CCDC171: variants seen among roughly 807,000 people sequenced by gnomAD.
The protein encoded by CCDC171 is coiled-coil domain containing 171.
CCDC171 carries 177 observed loss-of-function variants against 168.2 expected under a neutral mutation model. The ratio of observed to expected loss-of-function variants is 1.05; its 90% CI spans 0.93 to 1.19. The LOEUF is 1.19. CCDC171 is among the 50% of genes most tolerant of loss of function. The pLI is 0.00. For missense variants in CCDC171, 1,991 were observed against 1,539.0 expected (o/e 1.29, Z -4.91); for synonymous variants, 687 against 540.8 (o/e 1.27, Z -3.75).
At chr9:15,744,073 C>G (rs957207565) in intron 16 of CCDC171, among the ~76,000 whole-genome samples, 200 bp from the exon 17 acceptor site, 2 of 152,150 alleles carry the variant, frequency 1.3e-5, no homozygotes, top group Non-Finnish European at 2.9e-5. Flanking sequence ...ATTTAAAAAT[C>G]AATGTGCACA....
chr9:15,911,333 A>G (rs1351377558), intron 24 of CCDC171, among the ~76,000 whole-genome samples: 5 of 152,166 alleles, frequency 3.3e-5, no homozygotes, highest in Admixed American at 6.5e-5. Flanking sequence ...TGTTGGCCAT[A>G]TAAATGTCTT....
chr9:15,918,427 A>AG (rs1187787865), intron 24 of CCDC171, among the ~76,000 whole-genome samples: 2 of 127,226 alleles, frequency 1.6e-5, no homozygotes, highest in Admixed American at 1.8e-4. Context: ...AGTAAGACTC[A>AG]GAAAAAAAAA....
At chr9:15,677,500 G>T (rs2049669424) in intron 9 of CCDC171, among the ~76,000 whole-genome samples, 1 of 151,904 alleles carries the variant, frequency 6.6e-6, no homozygotes, top group Non-Finnish European at 1.5e-5. Context: ...GAGCCACCCT[G>T]TCTCCTGCAA....
At chr9:15,603,693 A>C (rs1191044313) in intron 6 of CCDC171, among the ~76,000 whole-genome samples, 3 of 151,426 alleles carry the variant, frequency 2.0e-5, no homozygotes, top group Non-Finnish European at 4.4e-5. Context: ...TGCTATTGTG[A>C]ATAGTGCTGC....
intron 3 of CCDC171, among the ~76,000 whole-genome samples, chr9:16,015,548 C>G (rs542217038): frequency 1.5e-4 from 23 of 152,298 alleles, no homozygotes; most frequent in African/African-American, 5.5e-4. Flanking sequence ...AATTTCCCAC[C>G]TCTGTACTCT....
At chr9:15,811,779 G>A (rs1167336357) in intron 21 of CCDC171, among the ~76,000 whole-genome samples, 1 of 152,162 alleles carries the variant, frequency 6.6e-6, no homozygotes, top group Non-Finnish European at 1.5e-5. Context: ...CGATGATGGA[G>A]TCTACCTATA....
At chr9:15,977,172 A>G (rs1182410715), downstream of CCDC171, among the ~76,000 whole-genome samples, 1 of 152,190 alleles carries the variant, frequency 6.6e-6, no homozygotes, top group African/African-American at 2.4e-5. Flanking sequence ...TGACATATCC[A>G]GATATCAGAT....
At chr9:16,099,435 G>A in the CCDC171 span, among the ~76,000 whole-genome samples, 4 of 152,350 alleles carry the variant, frequency 2.6e-5, no homozygotes, top group East Asian at 7.7e-4. Context: ...GCAAAGATGT[G>A]GCAGGTGAAG....
chr9:15,741,087 A>G (rs569097769), intron 16 of CCDC171, among the ~76,000 whole-genome samples: 2 of 152,032 alleles, frequency 1.3e-5, no homozygotes, highest in Non-Finnish European at 2.9e-5. Flanking sequence ...TTTTTTGTTT[A>G]TCTGTATATA....
At chr9:15,643,419 C>A (rs559578103) in intron 7 of CCDC171, among the ~76,000 whole-genome samples, 169 of 152,228 alleles carry the variant, frequency 1.1e-3, no homozygotes, top group African/African-American at 4.0e-3. Flanking sequence ...ATGCTTTATA[C>A]CTACAACCTC....
In CCDC171 at chr9:15,695,319, T is replaced by C. The variant is rs1452827583; in HGVS notation, c.1300T>C (p.Ser434Pro). The change falls in exon 11 of 26, where the codon TCG (serine) becomes CCG (proline). Residue 434 changes from serine (S) to proline (P), a missense_variant. Physicochemically the swap from Ser to Pro is moderately conservative, Grantham distance 74 (BLOSUM62 -1). Coordinates refer to ENST00000380701, the MANE Select transcript of CCDC171 (RefSeq NM_173550.4). The stretch of plus-strand genomic sequence containing the variant: ...ATCGATCTTGGACAGCTTTACTGTG[T>C]CGGGCCAGTGGACATCAGGTTAGTT... ...LESILDSFTV[S>P]GQWTSGIHKD... 1 of 1,613,746 alleles carries C rather than the reference T, an allele frequency of 6.2e-7. No homozygotes were observed. Among genetic ancestry groups the C allele is most frequent in the South Asian group, 1.1e-5 (1 of 91,062 alleles).
chr9:15,631,938 G>C (rs2045745651), intron 7 of CCDC171, among the ~76,000 whole-genome samples: 1 of 152,148 alleles, frequency 6.6e-6, no homozygotes, highest in African/African-American at 2.4e-5. Flanking sequence ...TATCTCAATA[G>C]ATGCAGAAAA....
At chr9:15,667,704 G>C (rs1553728) in intron 9 of CCDC171, among the ~76,000 whole-genome samples, 50 of 152,074 alleles carry the variant, frequency 3.3e-4, no homozygotes, top group African/African-American at 1.2e-3. Flanking sequence ...GTGAAAGTGT[G>C]ATTTAAATAG....
chr9:15,652,876 C>T (rs1457984299), intron 7 of CCDC171, among the ~76,000 whole-genome samples: 1 of 152,150 alleles, frequency 6.6e-6, no homozygotes, highest in Non-Finnish European at 1.5e-5. Context: ...TTTTGTGTTT[C>T]TCACATGCTT....
At chr9:15,947,303 A>T (rs1828521900) in intron 25 of CCDC171, among the ~76,000 whole-genome samples, 1 of 152,020 alleles carries the variant, frequency 6.6e-6, no homozygotes, top group South Asian at 2.1e-4. Context: ...TGACATCACT[A>T]AATACACTTT....
intron 18 of CCDC171, among the ~76,000 whole-genome samples, chr9:15,754,165 G>A (rs991367341): frequency 6.6e-6 from 1 of 152,170 alleles, no homozygotes; most frequent in African/African-American, 2.4e-5. Context: ...AGCTTATATA[G>A]TCATGTGGAG....
intron 16 of CCDC171, among the ~76,000 whole-genome samples, chr9:15,734,245 T>C (rs1304546253): frequency 9.9e-5 from 15 of 152,198 alleles, no homozygotes; most frequent in Non-Finnish European, 2.2e-4. Flanking sequence ...ATTACTATTA[T>C]AAATTGGAGG....
At chr9:15,672,112 GT>G (rs1461849654) in intron 9 of CCDC171, among the ~76,000 whole-genome samples, 1 of 152,090 alleles carries the variant, frequency 6.6e-6, no homozygotes, top group African/African-American at 2.4e-5. Flanking sequence ...GATCATGAGC[GT>G]TTTTTCATAT....
chr9:15,838,708 A>G (rs1409786246), intron 21 of CCDC171, among the ~76,000 whole-genome samples: 1 of 152,202 alleles, frequency 6.6e-6, no homozygotes, highest in Non-Finnish European at 1.5e-5. Flanking sequence ...CTGAGATTAC[A>G]GGCATTCACC....
Sources: allele counts gnomAD v4.1 joint callset (sites outside exome capture counted in the v4.1 genomes callset), GRCh38; gene constraint gnomAD v4.1.1; transcripts MANE v1.5; gene names NCBI Gene and HGNC (gene_info 2026-07-23, HGNC 2026-07-21).